TMEM232: variants seen among roughly 807,000 people sequenced by gnomAD.
TMEM232 encodes the protein transmembrane protein 232.
A neutral mutation model predicts 78.8 loss-of-function variants in TMEM232; 80 were observed. The observed-to-expected ratio is 1.01, with a 90% confidence interval of 0.85 to 1.22. The LOEUF is 1.22. Among genes scored for constraint, TMEM232 ranks in the 50% most tolerant of loss-of-function variants. TMEM232 has a pLI of 0.00. For synonymous variants in TMEM232, 297 were observed against 254.3 expected, an observed-to-expected ratio of 1.17 and a Z score of -1.60; for missense variants, 881 against 742.2, an observed-to-expected ratio of 1.19 and a Z score of -2.17.
At chr5:110,657,753 T>C (rs1789278701) in intron 2 of TMEM232, among the ~76,000 whole-genome samples, 1 of 152,150 alleles carries the variant, frequency 6.6e-6, no homozygotes, top group South Asian at 2.1e-4. Flanking sequence ...ATTTTGAATG[T>C]TGTCACCACG....
At chr5:110,694,013 A>G (rs1794456633) in intron 1 of TMEM232, among the ~76,000 whole-genome samples, 1 of 152,208 alleles carries the variant, frequency 6.6e-6, no homozygotes, top group East Asian at 1.9e-4. Context: ...CAGATTCACC[A>G]AAGTTGAAAT....
rs144017653 is a variant in TMEM232, at chr5:110,606,085, G to A, written c.1026+79C>T. 511 of 1,380,828 alleles carry A rather than the reference G, an allele frequency of 3.7e-4. No individual in the cohort carries two copies. In the African/African-American group the frequency reaches 6.8e-3, roughly 18 times the overall value. The allele number at this position is 1,380,828 out of a possible 1,614,324, so 85.5% of individuals were successfully genotyped here. On this transcript the variant is annotated intron_variant, in intron 9 of 13. Transcript: ENST00000455884. ...TTATGCATACTATATGCGCTAATAC[G>A]ATATACAATTTAAATAGTGGCAAAA...
At chr5:110,437,271 A>G (rs1198682217) in intron 12 of TMEM232, among the ~76,000 whole-genome samples, 2 of 151,974 alleles carry the variant, frequency 1.3e-5, no homozygotes, top group Non-Finnish European at 2.9e-5. Context: ...ATAGAAATGC[A>G]GTATACCCAT....
chr5:110,465,227 ATAT>A (rs2149362340), intron 12 of TMEM232, among the ~76,000 whole-genome samples: 1 of 152,368 alleles, frequency 6.6e-6, no homozygotes, highest in African/African-American at 2.4e-5. Context: ...TCTTGGCAAA[ATAT>A]TATATCTGTG....
chr5:110,627,862 A>G lies in TMEM232; in HGVS notation c.520T>C (p.Leu174=), dbSNP rs1031569423. The change falls in exon 6 of 14, where the codon TTA becomes CTA. Residue 174 remains leucine, a synonymous_variant. Transcript: ENST00000455884. ...TGCAGGAAAAATATAAAAAGTCGTA[A>G]GAAGACCAAATAGCCAATCTGTCAA... ...KLAKIGYLVF[L]RLFIFFLHGH... 1 of 1,531,936 alleles carries G rather than the reference A, an allele frequency of 6.5e-7. No homozygotes were observed. Among genetic ancestry groups the G allele is most frequent in the Non-Finnish European group, 8.8e-7 (1 of 1,141,692 alleles). 94.9% of individuals were successfully genotyped at this position (1,531,936 alleles called of 1,614,324 possible).
intron 1 of TMEM232, among the ~76,000 whole-genome samples, chr5:110,707,139 C>T (rs1385443466): frequency 6.6e-6 from 1 of 152,126 alleles, no homozygotes; most frequent in Admixed American, 6.6e-5. Context: ...CTTGCAGGAA[C>T]ACCAAATTTT....
At chr5:110,452,400 C>T (rs1343691359) in intron 12 of TMEM232, among the ~76,000 whole-genome samples, 1 of 152,112 alleles carries the variant, frequency 6.6e-6, no homozygotes, top group African/African-American at 2.4e-5. Flanking sequence ...CCATCCAGAT[C>T]ATTTAAATTT....
At chr5:110,693,146 CA>C in intron 1 of TMEM232, among the ~76,000 whole-genome samples, 1 of 152,270 alleles carries the variant, frequency 6.6e-6, no homozygotes, top group South Asian at 2.1e-4. Context: ...TGCGGTTCAC[CA>C]ATATCCACTG....
At chr5:110,425,264 T>C (rs1397514370) in intron 12 of TMEM232, among the ~76,000 whole-genome samples, 1 of 152,164 alleles carries the variant, frequency 6.6e-6, no homozygotes, top group Non-Finnish European at 1.5e-5. Context: ...TCCAAAGTCT[T>C]TGTATTACTA....
At chr5:110,672,486 C>G (rs1056738850) in intron 1 of TMEM232, among the ~76,000 whole-genome samples, 1 of 152,056 alleles carries the variant, frequency 6.6e-6, no homozygotes, top group Non-Finnish European at 1.5e-5. Context: ...ACAATTTGTG[C>G]CCTCTAATAT....
intron 1 of TMEM232, among the ~76,000 whole-genome samples, chr5:110,699,480 CTT>C (rs1424693572): frequency 6.6e-6 from 1 of 152,124 alleles, no homozygotes; most frequent in East Asian, 1.9e-4. Context: ...AAATGGGACT[CTT>C]TTGAGATCCC....
At chr5:110,441,022 G>A (rs11748117) in intron 12 of TMEM232, among the ~76,000 whole-genome samples, 1,670 of 152,228 alleles carry the variant, frequency 0.011, 17 homozygotes, top group South Asian at 0.029. Context: ...TTTGACTGAG[G>A]AAGGAAGATG....
At chr5:110,526,049 A>AC (rs1253440994) in intron 12 of TMEM232, among the ~76,000 whole-genome samples, 1 of 147,986 alleles carries the variant, frequency 6.8e-6, no homozygotes, top group East Asian at 1.9e-4. Context: ...AAAAAAAAAA[A>AC]ATTCAAACAG....
chr5:110,531,546 T>G (rs1311976786), intron 11 of TMEM232, among the ~76,000 whole-genome samples: 1 of 152,202 alleles, frequency 6.6e-6, no homozygotes, highest in Non-Finnish European at 1.5e-5. Context: ...CTTTCAATCT[T>G]GGCGCCACAC....
intron 1 of TMEM232, among the ~76,000 whole-genome samples, chr5:110,693,194 G>T (rs1259514321): frequency 6.6e-6 from 1 of 152,150 alleles, no homozygotes; most frequent in African/African-American, 2.4e-5. Context: ...AGGCAAACAG[G>T]GTCTGGAATG....
chr5:110,460,605 C>T (rs1761411950), intron 12 of TMEM232, among the ~76,000 whole-genome samples: 1 of 151,802 alleles, frequency 6.6e-6, no homozygotes, highest in African/African-American at 2.4e-5. Context: ...CACACATATA[C>T]TACTATAGGC....
intron 1 of TMEM232, among the ~76,000 whole-genome samples, chr5:110,688,640 T>A (rs1420238623): frequency 6.6e-6 from 1 of 152,144 alleles, no homozygotes; most frequent in Admixed American, 6.5e-5. Flanking sequence ...ATGGGACAAT[T>A]GACCCAATAC....
chr5:110,670,763 A>G (rs1791251017), intron 1 of TMEM232, among the ~76,000 whole-genome samples: 1 of 152,128 alleles, frequency 6.6e-6, no homozygotes, highest in African/African-American at 2.4e-5. Context: ...AGCTAACAAC[A>G]TCACTGGGCA....
chr5:110,624,288 TA>T (rs1422145467), intron 7 of TMEM232, among the ~76,000 whole-genome samples: 1 of 152,126 alleles, frequency 6.6e-6, no homozygotes, highest in African/African-American at 2.4e-5. Flanking sequence ...AATAATTTTA[TA>T]AAGCACATGC....
Sources: gnomAD v4.1 joint callset for allele counts (sites outside exome capture counted in the v4.1 genomes callset) on GRCh38, gnomAD v4.1.1 for gene constraint, MANE v1.5 for transcripts, NCBI Gene and HGNC (gene_info 2026-07-23, HGNC 2026-07-21) for gene names.